Variants in TRPM1 observed in about 807,000 individuals in gnomAD.
The protein encoded by TRPM1 is transient receptor potential cation channel subfamily M member 1.
A neutral mutation model predicts 149.4 loss-of-function variants in TRPM1; 113 were observed. That is an observed-to-expected ratio of 0.76 (90% CI 0.65 to 0.88). TRPM1 has a LOEUF of 0.88. Ranked by LOEUF, TRPM1 falls within the 40% of genes least tolerant of loss-of-function variation. The pLI, the probability that TRPM1 is intolerant of heterozygous loss-of-function variation, is 0.00. For missense variants in TRPM1, 1,976 were observed against 2,038.7 expected, an observed-to-expected ratio of 0.97 and a Z score of 0.59; for synonymous variants, 741 against 759.5, an observed-to-expected ratio of 0.98 and a Z score of 0.40.
intron 1 of TRPM1, among the ~76,000 whole-genome samples, chr15:31,098,854 C>A (rs1239475848): frequency 6.6e-6 from 1 of 151,660 alleles, no homozygotes; most frequent in African/African-American, 2.4e-5. Flanking sequence ...ATTGGGGGAG[C>A]GGGAGCCAGA....
In TRPM1 at chr15:31,068,403, G is replaced by A. The variant is rs531864715; in HGVS notation, c.280-311C>T. On this transcript the variant is annotated intron_variant, in intron 4 of 27. Coordinates refer to ENST00000256552, the MANE Select transcript of TRPM1 (RefSeq NM_001252024.2). ...AGGTGGGATGTTAGAAGGTGATTAC[G>A]TCATGAGCATGGATCCCTCGTGAGT... 4.6e-5 allele frequency among the ~76,000 whole-genome samples: 7 copies of A among 152,210 alleles called. No homozygotes were observed. In the South Asian group the frequency reaches 8.3e-4, roughly 18 times the overall value.
At chr15:31,135,599 T>C (rs2036077442) in intron 1 of TRPM1, among the ~76,000 whole-genome samples, 1 of 152,150 alleles carries the variant, frequency 6.6e-6, no homozygotes, top group Admixed American at 6.5e-5. Context: ...GCTGTAATTT[T>C]ATCTCCAGTG....
intron 11 of TRPM1, among the ~76,000 whole-genome samples, chr15:31,057,961 C>T (rs527991710): frequency 3.9e-5 from 6 of 152,298 alleles, no homozygotes; most frequent in South Asian, 2.1e-4. Flanking sequence ...CTTTGTCCTC[C>T]GCCATGATTG....
At chr15:31,155,467 G>A (rs1236524) in intron 1 of TRPM1, among the ~76,000 whole-genome samples, 173 of 152,326 alleles carry the variant, frequency 1.1e-3, no homozygotes, top group African/African-American at 3.9e-3. Flanking sequence ...GGCACAAACC[G>A]TTGAGGCTGT....
chr15:31,061,529 A>C lies in TRPM1; in HGVS notation c.1090-15T>G. 6.2e-7 allele frequency: 1 copy of C among 1,613,854 alleles called. No individual in the cohort carries two copies. Among genetic ancestry groups the C allele is most frequent in the Non-Finnish European group, 8.5e-7 (1 of 1,179,766 alleles). ...AACACAGTGACCTGAAAATGTGAAA[A>C]GACTGAATTAAAGCCAAGTTGAAAA... On this transcript the variant is annotated splice_polypyrimidine_tract_variant and intron_variant, in intron 9 of 27. Coordinates refer to ENST00000256552, the MANE Select transcript of TRPM1 (RefSeq NM_001252024.2).
intron 3 of TRPM1, among the ~76,000 whole-genome samples, chr15:31,072,050 G>GAT (rs2034574923): frequency 3.1e-5 from 4 of 128,464 alleles, no homozygotes; most frequent in Non-Finnish European, 6.6e-5. Flanking sequence ...GAGAGAGAGA[G>GAT]ATTAAATGGT....
rs771284454 is a variant in TRPM1, at chr15:31,037,734, T to C, written c.2548A>G (p.Ile850Val). 4 of 1,614,212 alleles carry C rather than the reference T, an allele frequency of 2.5e-6. No homozygotes were observed. The highest frequency in any genetic ancestry group is 3.4e-6 in the Non-Finnish European group (4 of 1,180,050). ...TKICEFYNAP[I>V]VKFWFYTISY... ...ACTGTGTAAAACCAGAACTTGACAA[T>C]GGGCGCGTTATAGAATTCACAGATC... The change falls in exon 20 of 28, where the codon ATT becomes GTT. Residue 850 changes from isoleucine (I) to valine (V), a missense_variant. Around this residue, in one of 3 missense-constraint regions of TRPM1, gnomAD observed 1,332 missense variants for 1,347.1 expected, o/e 0.99. Transcript: ENST00000256552.
intron 16 of TRPM1, among the ~76,000 whole-genome samples, chr15:31,043,071 G>T (rs1227433842): frequency 2.0e-5 from 3 of 152,300 alleles, no homozygotes; most frequent in Admixed American, 2.0e-4. Context: ...GGAAGCTGTG[G>T]CTCAGTCTGA....
intron 1 of TRPM1, among the ~76,000 whole-genome samples, chr15:31,151,105 T>G (rs965840890): frequency 6.6e-6 from 1 of 152,170 alleles, no homozygotes; most frequent in Admixed American, 6.5e-5. Flanking sequence ...CTTCTTTTGC[T>G]TGTTAAACTT....
At chr15:31,003,445 A>G (rs1204718252) in intron 27 of TRPM1, among the ~76,000 whole-genome samples, 1 of 152,178 alleles carries the variant, frequency 6.6e-6, no homozygotes, top group East Asian at 1.9e-4. Flanking sequence ...CATGGAGCGT[A>G]TAAGTAATTT....
At chr15:31,114,458 G>A (rs916213889) in intron 1 of TRPM1, among the ~76,000 whole-genome samples, 60 of 152,226 alleles carry the variant, frequency 3.9e-4, no homozygotes, top group African/African-American at 1.4e-3. Context: ...GCTGAAAGAT[G>A]TTAATCCACA....
intron 1 of TRPM1, among the ~76,000 whole-genome samples, chr15:31,160,615 A>C (rs1312392790): frequency 1.3e-5 from 2 of 152,190 alleles, no homozygotes; most frequent in African/African-American, 4.8e-5. Context: ...CTGACTCTGG[A>C]ATGGTGAAAG....
intron 16 of TRPM1, 133 bp downstream of exon 16, chr15:31,046,071 T>C (rs759068958): frequency 1.3e-6 from 1 of 795,026 alleles, no homozygotes; most frequent in Non-Finnish European, 2.1e-6. Flanking sequence ...ATATGGTCCT[T>C]TTATATAATT....
At chr15:31,159,978 G>T (rs567725086) in intron 1 of TRPM1, among the ~76,000 whole-genome samples, 3 of 152,218 alleles carry the variant, frequency 2.0e-5, no homozygotes, top group East Asian at 1.9e-4. Flanking sequence ...CCACACAAGG[G>T]CTGCACCTAC....
Position 31,050,563 on chromosome 15 carries a change from G to A in TRPM1, c.1283C>T (p.Pro428Leu), listed in dbSNP as rs2033920347. 6.2e-7 allele frequency: 1 copy of A among 1,614,042 alleles called. No individual in the cohort carries two copies. Among genetic ancestry groups the A allele is most frequent in the Non-Finnish European group, 8.5e-7 (1 of 1,180,012 alleles). ...CTCCGTGGCTTTGCTGTCCGTCGGG[G>A]GTGCCAGGCTTCCCAGGGGCTGCAG... Reference protein sequence around the residue: ...PHWPPLGSLAPPTDSKATEKE... With the variant: ...PHWPPLGSLALPTDSKATEKE... The change falls in exon 12 of 28, where the codon CCC becomes CTC. Residue 428 changes from proline to leucine, a missense_variant. By Grantham distance (98) the Pro-to-Leu change is moderately conservative. This residue lies in a region of TRPM1 where 1,332 missense variants were observed against 1,347.1 expected (regional missense o/e 0.99). Transcript: ENST00000256552.
Position 31,026,205 on chromosome 15 carries a change from T to G in TRPM1, c.3563A>C (p.His1188Pro). 6.2e-7 allele frequency: 1 copy of G among 1,612,662 alleles called. No individual in the cohort carries two copies. The highest frequency in any genetic ancestry group is 8.5e-7 in the Non-Finnish European group (1 of 1,180,020). Residue 1188 changes from histidine (H) to proline (P), a missense_variant, in exon 27 of 28, where the codon CAC becomes CCC. Coordinates refer to ENST00000256552, the MANE Select transcript of TRPM1 (RefSeq NM_001252024.2). ...CTGCTCATCCTCCTTCTCCCGGAAG[T>G]GCTCCTGCACGCACTGCTCCTCGAA... ...HEFEEQCVQE[H>P]FREKEDEQQS...
intron 27 of TRPM1, among the ~76,000 whole-genome samples, chr15:31,007,641 ACAGCAGCG>A (rs1461518742): frequency 1.1e-5 from 1 of 94,418 alleles, no homozygotes; most frequent in African/African-American, 6.5e-5. Context: ...GTCTATAACA[ACAGCAGCG>A]CAGCAACAAC....
At chr15:31,054,555 A>C (rs2034034852) in intron 11 of TRPM1, among the ~76,000 whole-genome samples, 1 of 152,180 alleles carries the variant, frequency 6.6e-6, no homozygotes, top group African/African-American at 2.4e-5. Context: ...TCAGCCTTCC[A>C]AAGTGCTGGA....
intron 1 of TRPM1, among the ~76,000 whole-genome samples, chr15:31,147,928 T>C (rs908939063): frequency 3.3e-5 from 5 of 152,208 alleles, no homozygotes; most frequent in African/African-American, 1.2e-4. Context: ...GCTTCTGATC[T>C]GCTGAGTACT....
Sources: allele counts gnomAD v4.1 joint callset (sites outside exome capture counted in the v4.1 genomes callset), GRCh38; gene constraint gnomAD v4.1.1; regional missense constraint gnomAD v4.1.1; transcripts MANE v1.5; gene names NCBI Gene and HGNC (gene_info 2026-07-23, HGNC 2026-07-21).